Variants in IL1RAPL1 observed in about 807,000 individuals in gnomAD.
IL1RAPL1 encodes the protein interleukin-1 receptor accessory protein-like 1.
In IL1RAPL1, 3 loss-of-function variants were observed where a neutral mutation model predicts 48.4. That is an observed-to-expected ratio of 0.06 (90% CI 0.03 to 0.16). The LOEUF is 0.16. IL1RAPL1 is among the 10% of genes least tolerant of loss of function. The probability of loss-of-function intolerance (pLI) is 1.00; values close to 1 mark genes in which losing one functional copy is unlikely to be tolerated. For synonymous variants in IL1RAPL1, 185 were observed against 187.7 expected, an observed-to-expected ratio of 0.99 and a Z score of 0.12; for missense variants, 349 against 530.6, an observed-to-expected ratio of 0.66 and a Z score of 3.36.
At chrX:29,879,259 G>C (rs1431286343) in intron 6 of IL1RAPL1, among the ~76,000 whole-genome samples, 2 of 109,617 alleles carry the variant, frequency 1.8e-5, no homozygotes, top group Non-Finnish European at 3.8e-5. Context: ...TAGGAGTAGG[G>C]AGAGAATGCC....
intron 1 of IL1RAPL1, among the ~76,000 whole-genome samples, chrX:28,771,781 A>T (rs909980620): frequency 8.1e-5 from 9 of 110,719 alleles, no homozygotes; most frequent in African/African-American, 2.6e-4. Flanking sequence ...TAATACCATT[A>T]TGCATTCTGA....
At chrX:29,419,831 AAT>A (rs1489908638) in intron 5 of IL1RAPL1, among the ~76,000 whole-genome samples, 5 of 111,252 alleles carry the variant, frequency 4.5e-5, no homozygotes, top group African/African-American at 1.6e-4. Context: ...GTACTTTGGA[AAT>A]AGTTTCTAGT....
intron 6 of IL1RAPL1, among the ~76,000 whole-genome samples, chrX:29,806,388 A>G (rs1280545295): frequency 8.9e-6 from 1 of 112,171 alleles, no homozygotes; most frequent in Non-Finnish European, 1.9e-5. Context: ...TAAGTAAGGC[A>G]TAAAATGTAT....
At chrX:29,140,129 G>T (rs2147491024) in intron 2 of IL1RAPL1, among the ~76,000 whole-genome samples, 1 of 110,376 alleles carries the variant, frequency 9.1e-6, no homozygotes, top group Non-Finnish European at 1.9e-5. Context: ...GGAGGGAGGT[G>T]CCAGACTTTT....
At chrX:28,757,521 A>G (rs1936118698) in intron 1 of IL1RAPL1, among the ~76,000 whole-genome samples, 1 of 112,442 alleles carries the variant, frequency 8.9e-6, no homozygotes, top group Non-Finnish European at 1.9e-5. Flanking sequence ...CCACAATGAC[A>G]GATGTGACTT....
At chrX:29,248,857 G>A (rs965125159) in intron 2 of IL1RAPL1, among the ~76,000 whole-genome samples, 1 of 111,833 alleles carries the variant, frequency 8.9e-6, no homozygotes, top group African/African-American at 3.3e-5. Context: ...TCATGCCGTT[G>A]TGTGTCTGTG....
intron 2 of IL1RAPL1, among the ~76,000 whole-genome samples, chrX:29,105,843 C>T (rs1394267396): frequency 2.7e-5 from 3 of 111,891 alleles, no homozygotes; most frequent in East Asian, 5.6e-4. Context: ...TCCAGAAAGC[C>T]ATCAATGGGC....
chrX:28,728,345 A>G (rs1005798726), intron 1 of IL1RAPL1, among the ~76,000 whole-genome samples: 1 of 111,706 alleles, frequency 9.0e-6, no homozygotes, highest in Non-Finnish European at 1.9e-5. Flanking sequence ...ATTGTATCCA[A>G]AGTCTTATAC....
At chrX:28,768,867 A>T (rs1294199615) in intron 1 of IL1RAPL1, among the ~76,000 whole-genome samples, 3 of 98,489 alleles carry the variant, frequency 3.0e-5, no homozygotes, top group African/African-American at 1.1e-4. Flanking sequence ...TCTAACTATA[A>T]GAGCTATACT....
chrX:28,658,782 A>T (rs1934781197), intron 1 of IL1RAPL1, among the ~76,000 whole-genome samples: 1 of 111,472 alleles, frequency 9.0e-6, no homozygotes, highest in African/African-American at 3.3e-5. Context: ...GGGTTTATTT[A>T]TAATTATTTT....
At chrX:28,911,273 CT>C (rs1291049865) in intron 2 of IL1RAPL1, among the ~76,000 whole-genome samples, 2 of 110,686 alleles carry the variant, frequency 1.8e-5, no homozygotes, top group African/African-American at 6.5e-5. Context: ...ATAAATAAAG[CT>C]TTTTTTTCTG....
chrX:29,636,238 C>G (rs1338722925), intron 5 of IL1RAPL1, among the ~76,000 whole-genome samples: 1 of 111,735 alleles, frequency 8.9e-6, no homozygotes, highest in East Asian at 2.8e-4. Flanking sequence ...AAAAAATGGT[C>G]AAAGTTATAG....
chrX:28,634,681 T>C (rs1237888285), intron 1 of IL1RAPL1, among the ~76,000 whole-genome samples: 1 of 110,772 alleles, frequency 9.0e-6, no homozygotes, highest in African/African-American at 3.3e-5. Flanking sequence ...TTCCCTGTCT[T>C]TCTAATTTTT....
At position 29,648,177 on chromosome X, in the gene IL1RAPL1, A is replaced by G. The variant is rs763522076; in HGVS notation, c.704-20253A>G. ...AATAGTAATAGATCTGAAAGGAGAG[A>G]AAGACTGCAATACAGTAACAGTAGG... On this transcript the variant is annotated intron_variant, in intron 5 of 10. Transcript: ENST00000378993. Among the ~76,000 whole-genome samples the G allele has an allele frequency of 2.7e-5, 3 of 111,790 alleles. 1 individual carries two copies. The South Asian group carries it at 1.1e-3, about 42-fold the overall frequency.
chrX:29,816,905 C>G (rs1930507250), intron 6 of IL1RAPL1, among the ~76,000 whole-genome samples: 3 of 110,168 alleles, frequency 2.7e-5, no homozygotes, highest in Admixed American at 9.7e-5. Flanking sequence ...GTTTATCCCT[C>G]TGTCTTATTA....
At chrX:29,736,099 A>G (rs1928035566) in intron 6 of IL1RAPL1, among the ~76,000 whole-genome samples, 1 of 112,562 alleles carries the variant, frequency 8.9e-6, no homozygotes, top group Admixed American at 9.4e-5. Flanking sequence ...GTTGTCCACA[A>G]AGAAGCAGAT....
chrX:29,491,383 C>G (rs929341229), intron 5 of IL1RAPL1, among the ~76,000 whole-genome samples: 5 of 112,618 alleles, frequency 4.4e-5, no homozygotes, highest in Non-Finnish European at 3.8e-5. Context: ...GTTAAAAGCT[C>G]TGCACTTAAT....
At chrX:28,657,379 C>T in intron 1 of IL1RAPL1, among the ~76,000 whole-genome samples, 1 of 111,725 alleles carries the variant, frequency 9.0e-6, no homozygotes, top group Non-Finnish European at 1.9e-5. Context: ...TTTAGTAACC[C>T]TTTCCTACAT....
At chrX:29,519,152 C>G (rs1257056220) in intron 5 of IL1RAPL1, among the ~76,000 whole-genome samples, 1 of 111,416 alleles carries the variant, frequency 9.0e-6, no homozygotes, top group Non-Finnish European at 1.9e-5. Context: ...TTTTCAGGAG[C>G]ATGTCAGAGG....
Sources: gnomAD v4.1 joint callset for allele counts (sites outside exome capture counted in the v4.1 genomes callset) on GRCh38, gnomAD v4.1.1 for gene constraint, MANE v1.5 for transcripts, NCBI Gene and HGNC (gene_info 2026-07-23, HGNC 2026-07-21) for gene names.